STXBP5: variants seen among roughly 807,000 people sequenced by gnomAD.
The protein encoded by STXBP5 is syntaxin-binding protein 5.
A neutral mutation model predicts 152.4 loss-of-function variants in STXBP5; 50 were observed. That is an observed-to-expected ratio of 0.33 (90% confidence interval 0.26 to 0.42). The LOEUF (loss-of-function observed/expected upper bound fraction) is 0.42. Ranked by LOEUF, STXBP5 falls within the 10% of genes least tolerant of loss-of-function variation. The pLI, the probability that STXBP5 is intolerant of heterozygous loss-of-function variation, is 1.00. For synonymous variants in STXBP5, 492 were observed against 494.7 expected, an observed-to-expected ratio of 0.99 and a Z score of 0.07; for missense variants, 1,167 against 1,388.6, an observed-to-expected ratio of 0.84 and a Z score of 2.54.
chr6:147,274,072 G>A (rs1287587750), intron 7 of STXBP5, among the ~76,000 whole-genome samples: 1 of 152,026 alleles, frequency 6.6e-6, no homozygotes, highest in Non-Finnish European at 1.5e-5. Flanking sequence ...TCCCTTAAGG[G>A]TTTTTTCTCC....
chr6:147,224,290 G>A (rs1255198093), intron 2 of STXBP5, among the ~76,000 whole-genome samples: 3 of 152,154 alleles, frequency 2.0e-5, no homozygotes, highest in African/African-American at 7.2e-5. Flanking sequence ...GCCGGGCATG[G>A]TGGTGCATGC....
intron 21 of STXBP5, among the ~76,000 whole-genome samples, chr6:147,341,248 T>G (rs1784077764): frequency 6.6e-6 from 1 of 152,156 alleles, no homozygotes; most frequent in Non-Finnish European, 1.5e-5. Context: ...GTTATAAGAA[T>G]TAGCATAAAA....
Position 147,309,197 on chromosome 6 carries a change from T to C in STXBP5, c.918-887T>C, listed in dbSNP as rs1782245922. ...GATGGAAAAGAAGGAAGTAACATCA[T>C]GAATAATGGGTAAGGAGGAAGATAG... On this transcript the variant is annotated intron_variant, in intron 9 of 27. Transcript: ENST00000321680. Among the ~76,000 whole-genome samples, 4 of 152,208 alleles carry C rather than the reference T, an allele frequency of 2.6e-5. No individual in the cohort carries two copies. In the Middle Eastern group the frequency reaches 0.01, roughly 388 times the overall value.
At position 147,382,763 on chromosome 6, in the gene STXBP5, A is replaced by G. The variant is rs201419565; in HGVS notation, c.3194-15A>G. ...CATGTTTTGAGTTACTCTTTGATTT[A>G]TCAAATGTGTTCAGTTGGAGAATCG... On this transcript the variant is annotated splice_polypyrimidine_tract_variant and intron_variant, in intron 26 of 27. Transcript: ENST00000321680. 6.2e-7 allele frequency: 1 copy of G among 1,611,852 alleles called. No individual in the cohort carries two copies. The highest frequency in any genetic ancestry group is 8.5e-7 in the Non-Finnish European group (1 of 1,178,492).
chr6:147,373,705 A>G, intron 25 of STXBP5, 26 bp from the exon 26 acceptor site: 1 of 1,555,888 alleles, frequency 6.4e-7, no homozygotes, highest in Non-Finnish European at 8.9e-7. Context: ...AAATTTCAAC[A>G]GTGACAATTT....
chr6:147,264,362 C>A lies in STXBP5; in HGVS notation c.630+2009C>A, dbSNP rs1052766056. ...TTCTATGTTTCAAGCACTGTGCTTG[C>A]CACTTTATATACACGATTTCATTTG... On this transcript the variant is annotated intron_variant, in intron 6 of 27. Transcript: ENST00000321680. Among the ~76,000 whole-genome samples, 6 of 152,022 alleles carry A rather than the reference C, an allele frequency of 3.9e-5. No homozygotes were observed. In the South Asian group the frequency reaches 8.3e-4, roughly 21 times the overall value.
chr6:147,277,337 G>T (rs1038595654), intron 7 of STXBP5, among the ~76,000 whole-genome samples: 3 of 152,002 alleles, frequency 2.0e-5, no homozygotes, highest in Non-Finnish European at 2.9e-5. Flanking sequence ...TAAGTCAGTT[G>T]ACCATTAAGA....
chr6:147,340,958 A>G (rs1383954678), intron 21 of STXBP5, among the ~76,000 whole-genome samples: 1 of 152,098 alleles, frequency 6.6e-6, no homozygotes, highest in Admixed American at 6.6e-5. Flanking sequence ...ATTTTGGGGA[A>G]AGCATGTTAT....
chr6:147,227,244 C>A (rs1011822297), intron 2 of STXBP5, among the ~76,000 whole-genome samples: 1 of 152,120 alleles, frequency 6.6e-6, no homozygotes, highest in Non-Finnish European at 1.5e-5. Flanking sequence ...TGTACTGCTA[C>A]TTTTCTCCAC....
At chr6:147,218,004 G>T (rs1039683229) in intron 2 of STXBP5, among the ~76,000 whole-genome samples, 4 of 152,136 alleles carry the variant, frequency 2.6e-5, no homozygotes, top group Non-Finnish European at 5.9e-5. Flanking sequence ...CTCTTATCAT[G>T]ATGATGTGGC....
chr6:147,355,839 A>C (rs1784792911), intron 22 of STXBP5, among the ~76,000 whole-genome samples: 1 of 152,146 alleles, frequency 6.6e-6, no homozygotes, highest in African/African-American at 2.4e-5. Flanking sequence ...AGAGCTACTA[A>C]AATTAAACTT....
chr6:147,264,820 A>C (rs1361365326), intron 6 of STXBP5, among the ~76,000 whole-genome samples: 2 of 152,102 alleles, frequency 1.3e-5, no homozygotes, highest in Non-Finnish European at 2.9e-5. Flanking sequence ...AGGAATTGAA[A>C]AGCTGGAAGA....
At chr6:147,363,277 A>G (rs1785145295) in intron 23 of STXBP5, 58 bp from the exon 24 acceptor site, 1 of 1,483,992 alleles carries the variant, frequency 6.7e-7, no homozygotes. Context: ...GTTAGAATAA[A>G]CGTGTTTACT....
intron 9 of STXBP5, among the ~76,000 whole-genome samples, chr6:147,294,509 A>G (rs770423279): frequency 3.9e-5 from 6 of 152,242 alleles, no homozygotes; most frequent in Middle Eastern, 3.4e-3. Flanking sequence ...ACCTCTGACA[A>G]ACACCTAAAA....
At chr6:147,222,128 C>A (rs1234228443) in intron 2 of STXBP5, among the ~76,000 whole-genome samples, 1 of 152,072 alleles carries the variant, frequency 6.6e-6, no homozygotes, top group East Asian at 1.9e-4. Flanking sequence ...GAATTTCCAT[C>A]GTTCTGCTTA....
rs1336968515 is a variant in STXBP5, at chr6:147,389,431, T to C, written c.*4676T>C. ...TACAGTCAAATTAATTTTAACAATA[T>C]AGGCACAATTCATTTACAAATTCAG... is the stretch of plus-strand genomic sequence containing the variant. On this transcript the variant is annotated 3_prime_UTR_variant, in exon 28 of 28. Transcript: ENST00000321680. 6.6e-6 allele frequency: 1 copy of C among 151,840 alleles called. No individual in the cohort carries two copies. The highest frequency in any genetic ancestry group is 1.5e-5 in the Non-Finnish European group (1 of 67,770). The allele number at this position is 151,840 out of a possible 1,614,324, so 9.4% of individuals were successfully genotyped here. A position where few individuals can be genotyped will look rare whatever the true frequency, so the allele number is the denominator to read the frequency against.
chr6:147,357,021 A>G (rs1368816112), intron 22 of STXBP5, among the ~76,000 whole-genome samples: 2 of 152,166 alleles, frequency 1.3e-5, no homozygotes, highest in Non-Finnish European at 2.9e-5. Context: ...CACATGCAAG[A>G]CAGTGTGCGA....
Position 147,316,777 on chromosome 6 carries a change from T to G in STXBP5, c.1802+370T>G, listed in dbSNP as rs1782666875. 3.5e-5 allele frequency among the ~76,000 whole-genome samples: 5 copies of G among 143,510 alleles called. No homozygotes were observed. In the South Asian group the frequency reaches 8.8e-4, roughly 25 times the overall value. 94.1% of individuals were successfully genotyped at this position (143,510 alleles called of 152,430 possible). A position where few individuals can be genotyped will look rare whatever the true frequency, so the allele number is the denominator to read the frequency against. ...CAACTCTGAAAATTCTGTTTAAGTCTTTTAAGACTCAGTTGTTTTCTAATC... is the reference window on the plus strand; with the variant it reads ...CAACTCTGAAAATTCTGTTTAAGTCGTTTAAGACTCAGTTGTTTTCTAATC... On this transcript the variant is annotated intron_variant, in intron 16 of 27. Transcript: ENST00000321680.
chr6:147,252,506 C>T (rs1024208257), intron 4 of STXBP5, among the ~76,000 whole-genome samples: 2 of 151,772 alleles, frequency 1.3e-5, no homozygotes, highest in South Asian at 4.2e-4. Context: ...TTAAATAAAG[C>T]ATGACGACAA....
Sources: allele counts gnomAD v4.1 joint callset (sites outside exome capture counted in the v4.1 genomes callset), GRCh38; gene constraint gnomAD v4.1.1; transcripts MANE v1.5; gene names NCBI Gene and HGNC (gene_info 2026-07-23, HGNC 2026-07-21).